The following GLIS3 variants were observed in gnomAD, a reference collection of about 807,000 sequenced individuals.
GLIS3 encodes the protein GLIS family zinc finger 3.
In GLIS3, 53 loss-of-function variants were observed where a neutral mutation model predicts 78.6. That is an observed-to-expected ratio of 0.67 (90% confidence interval 0.54 to 0.85). GLIS3 has a LOEUF of 0.85. GLIS3 is among the 40% of genes least tolerant of loss of function. The pLI is 0.00. For missense variants in GLIS3, 1,703 were observed against 1,231.1 expected (o/e 1.38, Z -5.74); for synonymous variants, 684 against 509.9 (o/e 1.34, Z -4.60).
chr9:4,114,222 C>A (rs1011453701), intron 4 of GLIS3, among the ~76,000 whole-genome samples: 11 of 152,264 alleles, frequency 7.2e-5, no homozygotes, highest in African/African-American at 2.6e-4. Flanking sequence ...ATTCAGAACA[C>A]ACTTACTGGG....
chr9:4,460,431 C>T, the GLIS3 span, among the ~76,000 whole-genome samples: 4 of 152,160 alleles, frequency 2.6e-5, no homozygotes, highest in Non-Finnish European at 5.9e-5. Flanking sequence ...CATTAGGTTG[C>T]CATAATGGAA....
intron 4 of GLIS3, among the ~76,000 whole-genome samples, chr9:3,964,064 T>A (rs1817753582): frequency 6.6e-6 from 1 of 152,042 alleles, no homozygotes; most frequent in Non-Finnish European, 1.5e-5. Flanking sequence ...TAGCTAGAGG[T>A]ATTTTCCAAA....
At chr9:4,005,040 T>C (rs1367464007) in intron 4 of GLIS3, among the ~76,000 whole-genome samples, 2 of 152,194 alleles carry the variant, frequency 1.3e-5, no homozygotes, top group Non-Finnish European at 2.9e-5. Context: ...ATGCCCCCAG[T>C]GGTGAATTCT....
chr9:3,966,975 T>C (rs1817984893), intron 4 of GLIS3, among the ~76,000 whole-genome samples: 1 of 133,382 alleles, frequency 7.5e-6, no homozygotes, highest in African/African-American at 2.8e-5. Context: ...CAGTTAATCC[T>C]TATTCCTACC....
chr9:4,314,444 G>C (rs1390706931), intron 2 of GLIS3, among the ~76,000 whole-genome samples: 1 of 152,186 alleles, frequency 6.6e-6, no homozygotes, highest in Non-Finnish European at 1.5e-5. Flanking sequence ...ATGTTTGCAT[G>C]TGCATATACA....
intron 2 of GLIS3, among the ~76,000 whole-genome samples, chr9:4,245,333 A>G (rs796918157): frequency 3.9e-5 from 6 of 152,326 alleles, no homozygotes; most frequent in African/African-American, 1.4e-4. Context: ...ACAAAAGGTA[A>G]AAGTCACAGT....
intron 2 of GLIS3, among the ~76,000 whole-genome samples, chr9:4,253,779 C>A (rs1415150438): frequency 6.6e-6 from 1 of 152,286 alleles, no homozygotes; most frequent in South Asian, 2.1e-4. Flanking sequence ...TTGTGAAGAC[C>A]ATGGGAAAAG....
chr9:4,357,044 T>C, the GLIS3 span, among the ~76,000 whole-genome samples: 2 of 152,236 alleles, frequency 1.3e-5, no homozygotes, highest in Non-Finnish European at 1.5e-5. Flanking sequence ...TGAATATTAG[T>C]GAGTTTACTT....
chr9:4,452,062 T>C, the GLIS3 span, among the ~76,000 whole-genome samples: 27 of 152,140 alleles, frequency 1.8e-4, no homozygotes, highest in Non-Finnish European at 8.8e-5. Context: ...ACAGAATCAA[T>C]GACAAAAACG....
the GLIS3 span, among the ~76,000 whole-genome samples, chr9:4,468,787 T>C: frequency 6.6e-6 from 1 of 152,242 alleles, no homozygotes; most frequent in African/African-American, 2.4e-5. Flanking sequence ...CACATAACAA[T>C]ATTAACCTTA....
chr9:4,180,781 T>A (rs985937512), intron 2 of GLIS3, among the ~76,000 whole-genome samples: 1 of 152,088 alleles, frequency 6.6e-6, no homozygotes, highest in African/African-American at 2.4e-5. Context: ...TCCACCACCA[T>A]CCCAAACTGA....
chr9:4,200,316 GA>G (rs940096459), intron 2 of GLIS3, among the ~76,000 whole-genome samples: 12 of 146,298 alleles, frequency 8.2e-5, no homozygotes, highest in African/African-American at 2.5e-4. Context: ...GAGCAGAACT[GA>G]AAAAAAAAAT....
At chr9:4,173,223 A>G (rs1470977237) in intron 2 of GLIS3, among the ~76,000 whole-genome samples, 1 of 152,224 alleles carries the variant, frequency 6.6e-6, no homozygotes, top group Non-Finnish European at 1.5e-5. Flanking sequence ...TACAAGTGGG[A>G]AAAACAAGCA....
chr9:4,176,897 T>G (rs1816857472), intron 2 of GLIS3, among the ~76,000 whole-genome samples: 1 of 152,270 alleles, frequency 6.6e-6, no homozygotes, highest in African/African-American at 2.4e-5. Context: ...GTGTTGGGAT[T>G]ACAGGCGTAA....
rs564676340 is a variant in GLIS3, at chr9:4,122,774, T to A, written c.596+2960A>T. Among the ~76,000 whole-genome samples, 8 of 152,330 alleles carry A rather than the reference T, an allele frequency of 5.3e-5. No individual in the cohort carries two copies. In the South Asian group the frequency reaches 1.5e-3, roughly 28 times the overall value. ...GAATGTTTCTTCTACTACTCAATGT[T>A]TGTTAGACTGCTCTATGAAACTGCT... On this transcript the variant is annotated intron_variant, in intron 3 of 10. Coordinates refer to ENST00000381971, the MANE Select transcript of GLIS3 (RefSeq NM_001042413.2).
intron 4 of GLIS3, among the ~76,000 whole-genome samples, chr9:3,940,470 G>A (rs1318789942): frequency 4.6e-5 from 7 of 152,102 alleles, no homozygotes. Flanking sequence ...TTGTGTCACT[G>A]CCACTGGACA....
At chr9:3,970,400 C>CA (rs1200829460) in intron 4 of GLIS3, among the ~76,000 whole-genome samples, 2 of 152,168 alleles carry the variant, frequency 1.3e-5, no homozygotes, top group Admixed American at 1.3e-4. Flanking sequence ...ATTCATGGAA[C>CA]AGGAAGTCCA....
At chr9:4,415,280 T>C in the GLIS3 span, among the ~76,000 whole-genome samples, 1 of 152,176 alleles carries the variant, frequency 6.6e-6, no homozygotes, top group South Asian at 2.1e-4. Flanking sequence ...CCTCATCCAC[T>C]TGGGACCCTT....
At chr9:4,015,127 G>C (rs114146847) in intron 4 of GLIS3, among the ~76,000 whole-genome samples, 5 of 152,174 alleles carry the variant, frequency 3.3e-5, no homozygotes, top group Non-Finnish European at 7.4e-5. Context: ...CTGAGGATTA[G>C]ATAAAGTGTC....
Sources: gnomAD v4.1 joint callset for allele counts (sites outside exome capture counted in the v4.1 genomes callset) on GRCh38, gnomAD v4.1.1 for gene constraint, MANE v1.5 for transcripts, NCBI Gene and HGNC (gene_info 2026-07-23, HGNC 2026-07-21) for gene names.